ACSS3: variants seen among roughly 807,000 people sequenced by gnomAD.
ACSS3 encodes acyl-CoA synthetase short chain family member 3, also known as acyl-CoA synthetase short-chain family member 3, mitochondrial.
Under a neutral mutation model 84.2 loss-of-function variants are expected in ACSS3, and 64 were observed. That is an observed-to-expected ratio of 0.76 (90% CI 0.62 to 0.94). The LOEUF is 0.94. Among genes scored for constraint, ACSS3 ranks in the 40% least tolerant of loss-of-function variants. The probability of loss-of-function intolerance (pLI) is 0.00; values close to 1 mark genes in which losing one functional copy is unlikely to be tolerated. For synonymous variants in ACSS3, 317 were observed against 310.1 expected (o/e 1.02, Z -0.23); for missense variants, 815 against 867.6 (o/e 0.94, Z 0.76).
chr12:81,080,635 G>A (rs183719425), intron 1 of ACSS3, among the ~76,000 whole-genome samples: 10 of 152,240 alleles, frequency 6.6e-5, no homozygotes, highest in Non-Finnish European at 1.5e-4. Flanking sequence ...TTAGTCAGTA[G>A]TTTCAATTTG....
At chr12:81,170,816 T>C (rs1285266051) in intron 7 of ACSS3, among the ~76,000 whole-genome samples, 1 of 152,140 alleles carries the variant, frequency 6.6e-6, no homozygotes, top group African/African-American at 2.4e-5. Flanking sequence ...TGGCTACCTT[T>C]AAAAAGCATT....
intron 9 of ACSS3, among the ~76,000 whole-genome samples, chr12:81,204,941 A>G (rs1258153918): frequency 1.3e-5 from 2 of 152,168 alleles, no homozygotes; most frequent in African/African-American, 4.8e-5. Context: ...AACAGTAGTC[A>G]TCTAATGAAC....
At chr12:81,206,156 A>G (rs1007814023) in intron 9 of ACSS3, among the ~76,000 whole-genome samples, 2 of 152,114 alleles carry the variant, frequency 1.3e-5, no homozygotes, top group South Asian at 2.1e-4. Context: ...TTTGCTTTTT[A>G]ACTACTTGTT....
At chr12:81,186,675 A>G (rs984999006) in intron 8 of ACSS3, among the ~76,000 whole-genome samples, 5 of 151,842 alleles carry the variant, frequency 3.3e-5, no homozygotes, top group African/African-American at 1.2e-4. Flanking sequence ...CCTCATATCC[A>G]TTAGATGGCT....
At chr12:81,253,219 A>T (rs1442601419) in intron 13 of ACSS3, 88 bp from the exon 14 acceptor site, 1 of 1,342,004 alleles carries the variant, frequency 7.5e-7, no homozygotes, top group Non-Finnish European at 1.0e-6. Flanking sequence ...ATGTGTTTGT[A>T]TATCTATATC....
rs191847262 is a variant in ACSS3, at chr12:81,239,679, C to T, written c.1719+6208C>T. On this transcript the variant is annotated intron_variant, in intron 13 of 15. Coordinates refer to ENST00000548058, the MANE Select transcript of ACSS3 (RefSeq NM_024560.4). ...ATGAGAACAACACAGAAAAGATTCA[C>T]CCCCATGATTCAGTTACCTCCCACC... Among the ~76,000 whole-genome samples, 5 of 151,926 alleles carry T rather than the reference C, an allele frequency of 3.3e-5. No individual in the cohort carries two copies. The East Asian group carries it at 9.7e-4, about 30-fold the overall frequency.
chr12:81,216,532 G>A (rs138432130), intron 9 of ACSS3, among the ~76,000 whole-genome samples: 4 of 152,248 alleles, frequency 2.6e-5, no homozygotes, highest in African/African-American at 9.6e-5. Context: ...TGAGTCAAGA[G>A]AAAGCATCTT....
intron 7 of ACSS3, among the ~76,000 whole-genome samples, chr12:81,172,004 G>A (rs1353682350): frequency 1.3e-5 from 2 of 152,042 alleles, no homozygotes; most frequent in African/African-American, 2.4e-5. Context: ...ATGGTATCAC[G>A]CCTGTAATCC....
intron 9 of ACSS3, among the ~76,000 whole-genome samples, chr12:81,213,981 T>C (rs144020898): frequency 0.028 from 1,068 of 37,622 alleles, 171 homozygotes; most frequent in Non-Finnish European, 0.077. Context: ...CTTTCTTTCT[T>C]TCTTTCTTTC....
intron 8 of ACSS3, among the ~76,000 whole-genome samples, chr12:81,181,770 C>CAAAAAAAAAAAAAAAAAAA (rs1208095675): frequency 2.2e-5 from 1 of 46,060 alleles, no homozygotes; most frequent in African/African-American, 8.0e-5. Flanking sequence ...AAAAAAAAAG[C>CAAAAAAAAAAAAAAAAAAA]AATAGAGAGC....
At chr12:81,106,279 T>C (rs938757701) in intron 1 of ACSS3, among the ~76,000 whole-genome samples, 2 of 152,180 alleles carry the variant, frequency 1.3e-5, no homozygotes, top group African/African-American at 2.4e-5. Flanking sequence ...ACAAGCCATA[T>C]TGTGAACTGC....
intron 9 of ACSS3, chr12:81,199,855 C>T: frequency 2.5e-6 from 1 of 404,072 alleles, no homozygotes; most frequent in Non-Finnish European, 4.5e-6. Flanking sequence ...TCTATTCTCT[C>T]TGCTTTTTGA....
intron 8 of ACSS3, among the ~76,000 whole-genome samples, chr12:81,190,130 G>T (rs1475294824): frequency 6.6e-6 from 1 of 151,870 alleles, no homozygotes; most frequent in East Asian, 1.9e-4. Flanking sequence ...TTTCAAATTT[G>T]TTTTGAATAT....
intron 1 of ACSS3, among the ~76,000 whole-genome samples, chr12:81,081,113 A>G (rs1299237959): frequency 6.6e-6 from 1 of 152,208 alleles, no homozygotes; most frequent in Non-Finnish European, 1.5e-5. Context: ...TTTGTTGTTC[A>G]CAAAAGTAAA....
intron 1 of ACSS3, among the ~76,000 whole-genome samples, chr12:81,087,478 T>A (rs1881392586): frequency 6.6e-6 from 1 of 151,952 alleles, no homozygotes; most frequent in African/African-American, 2.4e-5. Flanking sequence ...AAAAGAATGC[T>A]TAATTTCTAC....
chr12:81,255,940 C>T lies in ACSS3; in HGVS notation c.*1018C>T, dbSNP rs907753659. 2 of 152,152 alleles carry T rather than the reference C, an allele frequency of 1.3e-5. No individual in the cohort carries two copies. Among genetic ancestry groups the T allele is most frequent in the Non-Finnish European group, 2.9e-5 (2 of 68,044 alleles). 9.4% of individuals were successfully genotyped at this position (152,152 alleles called of 1,614,324 possible). The stretch of plus-strand genomic sequence containing the variant: ...GTTGACTATGTTTATCCAAATGATT[C>T]CAGATTCCTGTGGAAACAAGGAATC... On this transcript the variant is annotated 3_prime_UTR_variant, in exon 16 of 16. Coordinates refer to ENST00000548058, the MANE Select transcript of ACSS3 (RefSeq NM_024560.4).
intron 11 of ACSS3, among the ~76,000 whole-genome samples, chr12:81,226,701 G>C (rs901272291): frequency 4.6e-5 from 7 of 151,770 alleles, no homozygotes; most frequent in African/African-American, 1.5e-4. Context: ...GAAACTTTCT[G>C]TTTCCATCTA....
At position 81,239,641 on chromosome 12, in the gene ACSS3, C is replaced by G. The variant is rs552646026; in HGVS notation, c.1719+6170C>G. Among the ~76,000 whole-genome samples, 7 of 151,912 alleles carry G rather than the reference C, an allele frequency of 4.6e-5. No individual in the cohort carries two copies. In the South Asian group the frequency reaches 8.3e-4, roughly 18 times the overall value. The stretch of plus-strand genomic sequence containing the variant: ...TATAAAACCATCAGATCTTGTGATA[C>G]TTATTCACTATCATGAGAACAACAC... On this transcript the variant is annotated intron_variant, in intron 13 of 15. Coordinates refer to ENST00000548058, the MANE Select transcript of ACSS3 (RefSeq NM_024560.4).
At chr12:81,143,849 T>C (rs911849330) in intron 5 of ACSS3, among the ~76,000 whole-genome samples, 5 of 152,170 alleles carry the variant, frequency 3.3e-5, no homozygotes, top group Non-Finnish European at 4.4e-5. Flanking sequence ...CAAAGCAAAG[T>C]TGAAAGCATC....
Sources: gnomAD v4.1 joint callset for allele counts (sites outside exome capture counted in the v4.1 genomes callset) on GRCh38, gnomAD v4.1.1 for gene constraint, MANE v1.5 for transcripts, NCBI Gene and HGNC (gene_info 2026-07-23, HGNC 2026-07-21) for gene names.